The following PPFIA1 variants were observed in gnomAD, a reference collection of about 807,000 sequenced individuals.
The protein encoded by PPFIA1 is liprin-alpha-1.
PPFIA1 carries 25 observed loss-of-function variants against 149.9 expected under a neutral mutation model. That is an observed-to-expected ratio of 0.17 (90% CI 0.12 to 0.23). The LOEUF (loss-of-function observed/expected upper bound fraction) is 0.23, where lower values mean the gene tolerates loss of function less well. Ranked by LOEUF, PPFIA1 falls within the 10% of genes least tolerant of loss-of-function variation. PPFIA1 has a pLI of 1.00. For synonymous variants in PPFIA1, 549 were observed against 552.8 expected, an observed-to-expected ratio of 0.99 and a Z score of 0.10; for missense variants, 1,362 against 1,506.5, an observed-to-expected ratio of 0.90 and a Z score of 1.59.
At position 70,305,197 on chromosome 11, in the gene PPFIA1, G is replaced by A. The variant is rs563541778; in HGVS notation, c.265-19205G>A. Among the ~76,000 whole-genome samples the A allele has an allele frequency of 3.9e-5, 6 of 152,214 alleles. No individual in the cohort carries two copies. The East Asian group carries it at 1.2e-3, about 29-fold the overall frequency. On this transcript the variant is annotated intron_variant, in intron 2 of 27. Coordinates refer to ENST00000253925, the MANE Select transcript of PPFIA1 (RefSeq NM_003626.5). ...TTGATGCCCAAATGGCTCACCAAAA[G>A]CTGAGTGACAGTTGCCACAGCAAAA...
At position 70,331,948 on chromosome 11, in the gene PPFIA1, C is replaced by T. The variant is rs1024904894; in HGVS notation, c.1078-12C>T. ...ATTTGTTGCATTTTGATGCTTTGCT[C>T]TCATTTTATAGACTGAAGATAAAAA... is the stretch of plus-strand genomic sequence containing the variant. On this transcript the variant is annotated splice_polypyrimidine_tract_variant and intron_variant, in intron 8 of 27. Transcript: ENST00000253925. The T allele has an allele frequency of 1.8e-5, 29 of 1,597,670 alleles. No homozygotes were observed. Among genetic ancestry groups the T allele is most frequent in the Non-Finnish European group, 2.5e-5 (29 of 1,175,030 alleles).
chr11:70,370,368 C>T (rs1341541962), intron 21 of PPFIA1, among the ~76,000 whole-genome samples: 3 of 151,474 alleles, frequency 2.0e-5, no homozygotes, highest in East Asian at 1.9e-4. Context: ...GGATTTCATT[C>T]GTTCTTCTAG....
Position 70,374,950 on chromosome 11 carries a change from C to A in PPFIA1, c.3172C>A (p.Arg1058Ser), listed in dbSNP as rs774749536. The change falls in exon 24 of 28, where the codon CGC becomes AGC. Residue 1058 changes from arginine to serine, a missense_variant. Around this residue, in one of 7 missense-constraint regions of PPFIA1, gnomAD observed 349 missense variants for 373.3 expected, o/e 0.93. Transcript: ENST00000253925. ...VLVWSNDRVI[R>S]WILSIGLKEY... ...TGTTTGGAGCAATGATCGAGTGATT[C>A]GCTGGATCCTGTCAATTGGCCTTAA... is the stretch of plus-strand genomic sequence containing the variant. The A allele has an allele frequency of 6.2e-7, 1 of 1,611,844 alleles. No homozygotes were observed. The highest frequency in any genetic ancestry group is 1.1e-5 in the South Asian group (1 of 90,612).
chr11:70,358,639 TTTC>T (rs2056475997), intron 19 of PPFIA1: 1 of 152,246 alleles, frequency 6.6e-6, no homozygotes, highest in African/African-American at 2.4e-5. Flanking sequence ...TCAGAATTAT[TTTC>T]TTCTTATTAA....
Position 70,339,205 on chromosome 11 carries a change from T to C in PPFIA1, c.1606T>C (p.Phe536Leu), listed in dbSNP as rs2055158306. ...CTTGGGCAGTGTCCCAGATTTCAGG[T>C]TCCCCATGGCAGACGGCCACACAGA... ...PHLGSVPDFR[F>L]PMADGHTDSY... is the part of the protein sequence containing the mutation. The change falls in exon 14 of 28, where the codon TTC becomes CTC. Residue 536 changes from phenylalanine to leucine, a missense_variant. Physicochemically the swap from Phe to Leu is conservative, Grantham distance 22. Coordinates refer to ENST00000253925, the MANE Select transcript of PPFIA1 (RefSeq NM_003626.5). 6.2e-7 allele frequency: 1 copy of C among 1,614,156 alleles called. No individual in the cohort carries two copies. The highest frequency in any genetic ancestry group is 8.5e-7 in the Non-Finnish European group (1 of 1,180,020).
At chr11:70,342,936 C>CTTTTTGT (rs2055428002) in intron 14 of PPFIA1, among the ~76,000 whole-genome samples, 9 of 78,172 alleles carry the variant, frequency 1.2e-4, no homozygotes, top group Non-Finnish European at 2.1e-4. Context: ...AATGTACCAC[C>CTTTTTGT]TTTTTTTTTT....
intron 5 of PPFIA1, among the ~76,000 whole-genome samples, chr11:70,325,791 G>A (rs1739803104): frequency 6.6e-6 from 1 of 151,994 alleles, no homozygotes; most frequent in Non-Finnish European, 1.5e-5. Flanking sequence ...AAATTAGCCA[G>A]GAGTTGTGGC....
chr11:70,354,227 T>C, intron 16 of PPFIA1, 74 bp from the exon 17 acceptor site: 1 of 1,452,646 alleles, frequency 6.9e-7, no homozygotes, highest in South Asian at 1.3e-5. Flanking sequence ...TCAAAGAAGT[T>C]TATGGCTATA....
chr11:70,287,037 G>C (rs540464051), intron 2 of PPFIA1, among the ~76,000 whole-genome samples: 5 of 151,840 alleles, frequency 3.3e-5, no homozygotes, highest in Non-Finnish European at 5.9e-5. Context: ...TTATTTTGTA[G>C]AGCAGGGGTC....
Position 70,348,305 on chromosome 11 carries a change from C to A in PPFIA1, c.2048C>A (p.Pro683His), listed in dbSNP as rs147181972. The A allele has an allele frequency of 2.5e-5, 40 of 1,614,190 alleles. No individual in the cohort carries two copies. Among genetic ancestry groups the A allele is most frequent in the Middle Eastern group, 1.6e-4 (1 of 6,062 alleles). Residue 683 changes from proline to histidine, a missense_variant, in exon 16 of 28, where the codon CCC becomes CAC. By Grantham distance (77) the Pro-to-His change is moderately conservative (BLOSUM62 -2). Around this residue, in one of 7 missense-constraint regions of PPFIA1, gnomAD observed 733 missense variants for 744.1 expected, o/e 0.99. Transcript: ENST00000253925. ...GRFRSMSSIPPYPASSLASSS... is the reference protein window; with the variant it reads ...GRFRSMSSIPHYPASSLASSS... ...TTTAGATCAATGAGCTCCATTCCCC[C>A]CTACCCTGCTTCCTCGCTTGCTAGC...
At chr11:70,298,663 A>C (rs777398590) in intron 2 of PPFIA1, among the ~76,000 whole-genome samples, 2 of 152,170 alleles carry the variant, frequency 1.3e-5, no homozygotes, top group African/African-American at 2.4e-5. Context: ...TGAAAACATC[A>C]GCTGCTGCTC....
chr11:70,272,942 C>T (rs1244540400), intron 2 of PPFIA1, among the ~76,000 whole-genome samples: 1 of 152,170 alleles, frequency 6.6e-6, no homozygotes, highest in African/African-American at 2.4e-5. Context: ...ATAGAAGACT[C>T]GAGATTGATT....
At chr11:70,373,750 T>C (rs1377546854) in intron 23 of PPFIA1, 5 of 152,192 alleles carry the variant, frequency 3.3e-5, no homozygotes, top group African/African-American at 4.8e-5. Flanking sequence ...CCCCACTTTA[T>C]ACTAAGAAAG....
At chr11:70,335,793 T>G in intron 11 of PPFIA1, 99 bp downstream of exon 11, 1 of 1,381,636 alleles carries the variant, frequency 7.2e-7, no homozygotes, top group South Asian at 1.2e-5. Flanking sequence ...GGTTAGCAGC[T>G]GTTACCGAAA....
intron 18 of PPFIA1, 144 bp from the exon 19 acceptor site, chr11:70,356,017 C>G (rs2056343956): frequency 9.8e-7 from 1 of 1,018,104 alleles, no homozygotes; most frequent in Non-Finnish European, 1.5e-6. Flanking sequence ...GCATTTCCGT[C>G]TTGGGCATTT....
In PPFIA1 at chr11:70,295,779, G is replaced by A. The variant is rs549467100; in HGVS notation, c.264+23343G>A. On this transcript the variant is annotated intron_variant, in intron 2 of 27. Coordinates refer to ENST00000253925, the MANE Select transcript of PPFIA1 (RefSeq NM_003626.5). ...TCCCAGACGGGACGGCTGGCCTGGC[G>A]GGCTGACCCCCACCTCCCTCCTGGA... is the stretch of plus-strand genomic sequence containing the variant. 5.9e-3 allele frequency among the ~76,000 whole-genome samples: 885 copies of A among 150,992 alleles called. 11 individuals are homozygous for A. Among genetic ancestry groups the A allele is most frequent in the African/African-American group, 0.019 (796 of 41,084 alleles).
chr11:70,345,402 G>A (rs1452150503), intron 15 of PPFIA1, among the ~76,000 whole-genome samples: 3 of 151,998 alleles, frequency 2.0e-5, no homozygotes, highest in Admixed American at 2.0e-4. Context: ...GCAGGGGCGT[G>A]AAGGAGGAAG....
chr11:70,273,623 TCTC>T (rs2050223348), intron 2 of PPFIA1, among the ~76,000 whole-genome samples: 1 of 152,200 alleles, frequency 6.6e-6, no homozygotes, highest in Admixed American at 6.6e-5. Context: ...TGTAGTCAGT[TCTC>T]CTGAAAGATT....
chr11:70,288,316 C>T (rs765495658), intron 2 of PPFIA1, among the ~76,000 whole-genome samples: 4 of 152,100 alleles, frequency 2.6e-5, no homozygotes, highest in Non-Finnish European at 4.4e-5. Flanking sequence ...GTGATCTGCC[C>T]GCCTTGGCCT....
Sources: allele counts gnomAD v4.1 joint callset (sites outside exome capture counted in the v4.1 genomes callset), GRCh38; gene constraint gnomAD v4.1.1; regional missense constraint gnomAD v4.1.1; transcripts MANE v1.5; gene names NCBI Gene and HGNC (gene_info 2026-07-23, HGNC 2026-07-21).